STARD3NL: variants seen among roughly 807,000 people sequenced by gnomAD.
STARD3NL encodes STARD3 N-terminal like.
STARD3NL carries 17 observed loss-of-function variants against 30.9 expected under a neutral mutation model. The observed-to-expected ratio is 0.55, with a 90% CI of 0.38 to 0.82. The LOEUF (loss-of-function observed/expected upper bound fraction) is 0.82. Among genes scored for constraint, STARD3NL ranks in the 40% least tolerant of loss-of-function variants. The probability of loss-of-function intolerance (pLI) is 0.00; values close to 1 mark genes in which losing one functional copy is unlikely to be tolerated. For synonymous variants in STARD3NL, 112 were observed against 100.5 expected (o/e 1.11, Z -0.69); for missense variants, 234 against 277.6 (o/e 0.84, Z 1.12).
chr7:38,207,793 T>C (rs539142988), intron 2 of STARD3NL, 64 bp downstream of exon 2: 1 of 1,424,906 alleles, frequency 7.0e-7, no homozygotes, highest in African/African-American at 1.4e-5. Context: ...GGTTTTTTTG[T>C]TCGTTTCTCT....
intron 4 of STARD3NL, chr7:38,215,768 T>C (rs1247783489): frequency 6.6e-6 from 1 of 152,348 alleles, no homozygotes; most frequent in Non-Finnish European, 1.5e-5. Context: ...GTGGAGCTCC[T>C]CAGACTAGAG....
At chr7:38,221,478 C>T (rs909367449) in intron 7 of STARD3NL, among the ~76,000 whole-genome samples, 6 of 152,124 alleles carry the variant, frequency 3.9e-5, no homozygotes, top group Admixed American at 1.3e-4. Context: ...TGCCTCCACT[C>T]TGTGATGTAA....
intron 1 of STARD3NL, chr7:38,201,683 C>CTTTTTTTTTTTTTTTTTTTTTTT (rs991914359): frequency 6.8e-6 from 1 of 146,378 alleles, no homozygotes. Context: ...ATCCAGATTT[C>CTTTTTTTTTTTTTTTTTTTTTTT]TTTTTTTTTG....
chr7:38,191,430 A>G (rs898947050), intron 1 of STARD3NL, among the ~76,000 whole-genome samples: 1 of 152,168 alleles, frequency 6.6e-6, no homozygotes, highest in Non-Finnish European at 1.5e-5. Context: ...TTTAATGGTT[A>G]TAACTTTTTG....
At chr7:38,202,936 G>A (rs1785260799) in intron 1 of STARD3NL, among the ~76,000 whole-genome samples, 1 of 151,934 alleles carries the variant, frequency 6.6e-6, no homozygotes, top group Admixed American at 6.6e-5. Context: ...GTATTCCATG[G>A]TGTATATGTG....
At chr7:38,203,500 A>G (rs1178814133) in intron 1 of STARD3NL, among the ~76,000 whole-genome samples, 3 of 152,234 alleles carry the variant, frequency 2.0e-5, no homozygotes, top group Non-Finnish European at 4.4e-5. Context: ...GAAAGGAACA[A>G]CCGATACCAG....
intron 2 of STARD3NL, among the ~76,000 whole-genome samples, chr7:38,209,326 C>G (rs1785662074): frequency 6.6e-6 from 1 of 151,578 alleles, no homozygotes; most frequent in Non-Finnish European, 1.5e-5. Context: ...CTCTGTCACT[C>G]AGGCTGGAGT....
Position 38,202,906 on chromosome 7 carries a change from T to C in STARD3NL, c.-58-4541T>C, listed in dbSNP as rs529429551. ...TGTCCCTACAAAGGACATGAACTCATCATTTTTTATGGCTGCATAGTATTC... is the reference window on the plus strand; with the variant it reads ...TGTCCCTACAAAGGACATGAACTCACCATTTTTTATGGCTGCATAGTATTC... On this transcript the variant is annotated intron_variant, in intron 1 of 8. Transcript: ENST00000009041. Among the ~76,000 whole-genome samples the C allele has an allele frequency of 9.2e-5, 14 of 152,162 alleles. No homozygotes were observed. In the East Asian group the frequency reaches 2.7e-3, roughly 29 times the overall value.
chr7:38,226,376 A>C (rs1279166783), intron 7 of STARD3NL, among the ~76,000 whole-genome samples: 1 of 151,880 alleles, frequency 6.6e-6, no homozygotes, highest in Admixed American at 6.6e-5. Context: ...ATTCTTGCCT[A>C]TATTTTTAAG....
intron 2 of STARD3NL, among the ~76,000 whole-genome samples, chr7:38,211,699 C>A (rs1785811952): frequency 6.6e-6 from 1 of 152,192 alleles, no homozygotes; most frequent in African/African-American, 2.4e-5. Context: ...TCACAGTCTA[C>A]ATCACAGCCT....
chr7:38,193,027 A>C (rs775367678), intron 1 of STARD3NL, among the ~76,000 whole-genome samples: 1 of 151,974 alleles, frequency 6.6e-6, no homozygotes, highest in Non-Finnish European at 1.5e-5. Context: ...TGTCTCTTTC[A>C]GAATAAGAGA....
At chr7:38,196,108 C>T (rs1784888205) in intron 1 of STARD3NL, among the ~76,000 whole-genome samples, 1 of 152,132 alleles carries the variant, frequency 6.6e-6, no homozygotes, top group African/African-American at 2.4e-5. Flanking sequence ...CCTGTTGTTT[C>T]CTTACGTAAA....
At chr7:38,180,522 G>T (rs1210008876) in intron 1 of STARD3NL, among the ~76,000 whole-genome samples, 1 of 152,100 alleles carries the variant, frequency 6.6e-6, no homozygotes, top group African/African-American at 2.4e-5. Context: ...CCTTTTTTTA[G>T]TACCTACGAT....
At chr7:38,216,914 G>A in intron 4 of STARD3NL, 111 bp from the exon 5 acceptor site, 2 of 1,340,318 alleles carry the variant, frequency 1.5e-6, no homozygotes, top group East Asian at 2.3e-5. Context: ...CTAGGCACAG[G>A]TTTTTCAGGC....
At chr7:38,184,269 A>G (rs546010028) in intron 1 of STARD3NL, among the ~76,000 whole-genome samples, 1 of 152,290 alleles carries the variant, frequency 6.6e-6, no homozygotes, top group South Asian at 2.1e-4. Flanking sequence ...CATTCCAGGC[A>G]GAGGGAGAAC....
chr7:38,207,511 C>T lies in STARD3NL; in HGVS notation c.7C>T (p.His3Tyr). 1 of 1,613,866 alleles carries T rather than the reference C, an allele frequency of 6.2e-7. No individual in the cohort carries two copies. Among genetic ancestry groups the T allele is most frequent in the East Asian group, 2.2e-5 (1 of 44,870 alleles). The change falls in exon 2 of 9, where the codon CAC (histidine) becomes TAC (tyrosine). Residue 3 changes from histidine (H) to tyrosine (Y), a missense_variant. By Grantham distance (83) the His-to-Tyr change is moderately conservative (BLOSUM62 2). Transcript: ENST00000009041. MNHLPEDMENALT... is the reference protein window; with the variant it reads MNYLPEDMENALT... ...CCTGTAACCCTCCTCCAGGATGAAC[C>T]ACCTGCCAGAAGACATGGAGAACGC...
intron 6 of STARD3NL, among the ~76,000 whole-genome samples, chr7:38,219,327 G>A (rs536298315): frequency 2.0e-5 from 3 of 152,202 alleles, no homozygotes; most frequent in Non-Finnish European, 2.9e-5. Context: ...GATGACAGGT[G>A]TGAGGCACCA....
rs1664052774 is a variant in STARD3NL at position 38,230,275 on chromosome 7, A to C, written c.*370A>C. 6.6e-6 allele frequency: 1 copy of C among 152,652 alleles called. No homozygotes were observed. The highest frequency in any genetic ancestry group is 2.4e-5 in the African/African-American group (1 of 41,458). 9.5% of individuals were successfully genotyped at this position (152,652 alleles called of 1,614,324 possible). A position where few individuals can be genotyped will look rare whatever the true frequency, so the allele number is the denominator to read the frequency against. On this transcript the variant is annotated 3_prime_UTR_variant, in exon 9 of 9. Coordinates refer to ENST00000009041, the MANE Select transcript of STARD3NL (RefSeq NM_032016.4). ...ATACCTTTTTATTTCAATTCACAGAATGGAATTTTTTTGTTTCATGTCTCA... is the reference window on the plus strand; with the variant it reads ...ATACCTTTTTATTTCAATTCACAGACTGGAATTTTTTTGTTTCATGTCTCA...
At chr7:38,210,502 A>T (rs1293400713) in intron 2 of STARD3NL, among the ~76,000 whole-genome samples, 1 of 152,192 alleles carries the variant, frequency 6.6e-6, no homozygotes, top group African/African-American at 2.4e-5. Flanking sequence ...AGAGAAGCCT[A>T]ACACCACCTT....
Sources: allele counts gnomAD v4.1 joint callset (sites outside exome capture counted in the v4.1 genomes callset), GRCh38; gene constraint gnomAD v4.1.1; transcripts MANE v1.5; gene names NCBI Gene and HGNC (gene_info 2026-07-23, HGNC 2026-07-21).